Variants in MAPKAP1 observed in about 807,000 individuals in gnomAD.
The protein encoded by MAPKAP1 is MAPK associated protein 1.
Under a neutral mutation model 65.7 loss-of-function variants are expected in MAPKAP1, and 20 were observed. That is an observed-to-expected ratio of 0.30 (90% CI 0.21 to 0.44). The LOEUF is 0.44. MAPKAP1 is among the 20% of genes least tolerant of loss of function. The pLI, the probability that MAPKAP1 is intolerant of heterozygous loss-of-function variation, is 1.00. For missense variants in MAPKAP1, 423 were observed against 648.0 expected (o/e 0.65, Z 3.77); for synonymous variants, 222 against 244.3 (o/e 0.91, Z 0.85).
At chr9:125,648,130 G>GC (rs1833783732) in intron 4 of MAPKAP1, among the ~76,000 whole-genome samples, 1 of 152,044 alleles carries the variant, frequency 6.6e-6, no homozygotes, top group African/African-American at 2.4e-5. Flanking sequence ...AACAACGACT[G>GC]CAAGAGTCTA....
chr9:125,438,220 G>A lies in MAPKAP1; in HGVS notation c.*667C>T, dbSNP rs1852362081. ...GGTCAGAAGCTGGGGTGTGCTGAAG[G>A]GGAAAGTGACACGGCCTTGGACACA... On this transcript the variant is annotated 3_prime_UTR_variant, in exon 12 of 12. Coordinates refer to ENST00000265960, the MANE Select transcript of MAPKAP1 (RefSeq NM_001006617.3). 5.1e-6 allele frequency: 2 copies of A among 395,750 alleles called. No homozygotes were observed. The highest frequency in any genetic ancestry group is 4.1e-5 in the African/African-American group (2 of 48,558). The allele number at this position is 395,750 out of a possible 1,614,324, so 24.5% of individuals were successfully genotyped here.
chr9:125,638,243 G>A (rs1373083586), intron 4 of MAPKAP1, among the ~76,000 whole-genome samples: 1 of 152,164 alleles, frequency 6.6e-6, no homozygotes, highest in African/African-American at 2.4e-5. Context: ...CAAAAGAGAG[G>A]GGACATGAAG....
intron 10 of MAPKAP1, among the ~76,000 whole-genome samples, chr9:125,450,631 T>C (rs755564784): frequency 2.0e-5 from 3 of 152,212 alleles, no homozygotes; most frequent in South Asian, 2.1e-4. Flanking sequence ...AAGAACAGCT[T>C]TGAGGCTTGG....
chr9:125,551,924 T>C (rs1261724718), intron 6 of MAPKAP1, among the ~76,000 whole-genome samples: 1 of 152,188 alleles, frequency 6.6e-6, no homozygotes, highest in African/African-American at 2.4e-5. Context: ...AAAGGAACAG[T>C]AGGCTTTGGC....
intron 1 of MAPKAP1, among the ~76,000 whole-genome samples, chr9:125,705,858 G>A (rs1215828439): frequency 1.3e-5 from 2 of 152,142 alleles, no homozygotes; most frequent in Non-Finnish European, 2.9e-5. Flanking sequence ...GAACAAAAAT[G>A]ATTAGAGATC....
At chr9:125,458,501 C>A (rs895127408) in intron 10 of MAPKAP1, among the ~76,000 whole-genome samples, 1 of 152,010 alleles carries the variant, frequency 6.6e-6, no homozygotes, top group Non-Finnish European at 1.5e-5. Context: ...TGAGTGGACA[C>A]AGCACATGTT....
Position 125,489,262 on chromosome 9 carries a change from CA to C in MAPKAP1, c.1067-4680del, listed in dbSNP as rs373628433. The stretch of plus-strand genomic sequence containing the variant: ...GTTAAATTAGCAAATAAAAAGGTCA[CA>C]AGCAATTAAATGAAACAAAAGCCAC... On this transcript the variant is annotated intron_variant, in intron 8 of 11. Transcript: ENST00000265960. Among the ~76,000 whole-genome samples the C allele has an allele frequency of 5.8e-4, 88 of 152,210 alleles. 1 individual carries two copies. The East Asian group carries it at 0.014, about 25-fold the overall frequency.
At chr9:125,499,027 AT>A (rs1828894559) in intron 8 of MAPKAP1, among the ~76,000 whole-genome samples, 1 of 152,204 alleles carries the variant, frequency 6.6e-6, no homozygotes, top group South Asian at 2.1e-4. Context: ...GAGCTGTATG[AT>A]TATTAGAGCT....
intron 6 of MAPKAP1, among the ~76,000 whole-genome samples, chr9:125,549,530 A>G (rs1213857380): frequency 1.3e-5 from 2 of 152,218 alleles, no homozygotes; most frequent in Non-Finnish European, 2.9e-5. Flanking sequence ...AATTTTTTTT[A>G]AAGATCAAAG....
intron 6 of MAPKAP1, among the ~76,000 whole-genome samples, chr9:125,547,865 T>C (rs1462669406): frequency 1.3e-5 from 2 of 152,242 alleles, no homozygotes; most frequent in African/African-American, 4.8e-5. Context: ...ATGAAGCAGG[T>C]ATGTTCTGCC....
At chr9:125,588,681 G>A (rs570894882) in intron 4 of MAPKAP1, among the ~76,000 whole-genome samples, 1 of 152,224 alleles carries the variant, frequency 6.6e-6, no homozygotes, top group Admixed American at 6.5e-5. Context: ...CAGTACTCTT[G>A]TTTCATCTGA....
chr9:125,689,506 G>A (rs1336858239), intron 1 of MAPKAP1, among the ~76,000 whole-genome samples: 1 of 148,030 alleles, frequency 6.8e-6, no homozygotes, highest in Non-Finnish European at 1.5e-5. Context: ...CTGCACTTTG[G>A]GAGGCTTAAG....
Position 125,595,645 on chromosome 9 carries a change from T to C in MAPKAP1, c.499-9918A>G, listed in dbSNP as rs1832101236. The C allele has an allele frequency of 6.8e-7, 1 of 1,470,878 alleles. No individual in the cohort carries two copies. The highest frequency in any genetic ancestry group is 1.4e-5 in the African/African-American group (1 of 71,024). 91.1% of individuals were successfully genotyped at this position (1,470,878 alleles called of 1,614,324 possible). A position where few individuals can be genotyped will look rare whatever the true frequency, so the allele number is the denominator to read the frequency against. ...CTGTGGACACGCCAAGGAAGCATCG[T>C]TAAAGTCTCTCTTCTCCCTGCCGTC... On this transcript the variant is annotated intron_variant, in intron 4 of 11. Transcript: ENST00000265960. The surrounding 1 kb of genome is among the most constrained non-coding windows in gnomAD (Gnocchi z 4.0).
At chr9:125,486,995 A>G (rs1172402017) in intron 8 of MAPKAP1, among the ~76,000 whole-genome samples, 1 of 152,220 alleles carries the variant, frequency 6.6e-6, no homozygotes, top group East Asian at 1.9e-4. Flanking sequence ...TATAACCCCA[A>G]GAACACAGGG....
intron 7 of MAPKAP1, among the ~76,000 whole-genome samples, chr9:125,542,161 T>G (rs1312483005): frequency 6.6e-6 from 1 of 152,232 alleles, no homozygotes; most frequent in East Asian, 1.9e-4. Flanking sequence ...GAATATGGCC[T>G]TGAGACAGCT....
intron 7 of MAPKAP1, among the ~76,000 whole-genome samples, chr9:125,519,199 T>C (rs1829547707): frequency 6.6e-6 from 1 of 152,038 alleles, no homozygotes; most frequent in African/African-American, 2.4e-5. Context: ...AGCCAGGAAC[T>C]AAATTGGGAT....
rs553077469 is a variant in MAPKAP1, at chr9:125,655,315, A to T, written c.498+2336T>A. Among the ~76,000 whole-genome samples the T allele has an allele frequency of 1.4e-4, 21 of 152,326 alleles. 1 individual carries two copies. The South Asian group carries it at 4.1e-3, about 30-fold the overall frequency. On this transcript the variant is annotated intron_variant, in intron 4 of 11. Transcript: ENST00000265960. ...TGAACGTCAGATGATTTATGGGAGG[A>T]ATCAATCTGGAAATTATTAAGAGTC... is the stretch of plus-strand genomic sequence containing the variant.
At chr9:125,639,682 G>A (rs1006395705) in intron 4 of MAPKAP1, among the ~76,000 whole-genome samples, 2 of 152,158 alleles carry the variant, frequency 1.3e-5, no homozygotes, top group African/African-American at 4.8e-5. Flanking sequence ...ACTCTCAGAT[G>A]AGGCAAGGAA....
intron 4 of MAPKAP1, among the ~76,000 whole-genome samples, chr9:125,640,849 G>A (rs1833557816): frequency 6.6e-6 from 1 of 152,052 alleles, no homozygotes; most frequent in Non-Finnish European, 1.5e-5. Flanking sequence ...CAACATGTTG[G>A]GAAATTTAGA....
Sources: allele counts gnomAD v4.1 joint callset (sites outside exome capture counted in the v4.1 genomes callset), GRCh38; gene constraint gnomAD v4.1.1; non-coding constraint Gnocchi (gnomAD v3.1); transcripts MANE v1.5; gene names NCBI Gene and HGNC (gene_info 2026-07-23, HGNC 2026-07-21).